Variants in LUC7L observed in about 807,000 individuals in gnomAD.
LUC7L encodes LUC7 like, also known as putative RNA-binding protein Luc7-like 1.
Under a neutral mutation model 51.1 loss-of-function variants are expected in LUC7L, and 29 were observed. The ratio of observed to expected loss-of-function variants is 0.57; its 90% CI spans 0.42 to 0.77. LUC7L has a LOEUF of 0.77. Ranked by LOEUF, LUC7L falls within the 30% of genes least tolerant of loss-of-function variation. The pLI is 0.00. For missense variants in LUC7L, 403 were observed against 511.9 expected (o/e 0.79, Z 2.05); for synonymous variants, 181 against 180.7 (o/e 1.00, Z -0.01).
At position 189,824 on chromosome 16, in the gene LUC7L, C is replaced by G; in HGVS notation, c.974+144G>C. The G allele has an allele frequency of 2.1e-6, 3 of 1,446,216 alleles. No homozygotes were observed. The South Asian group carries it at 4.3e-5, about 21-fold the overall frequency. The allele number at this position is 1,446,216 out of a possible 1,614,324, so 89.6% of individuals were successfully genotyped here. ...ACAGCCCTCTCGCCTCTTCCCACAC[C>G]TGAGTCCCGTTCACGACTCCCCAGC... On this transcript the variant is annotated intron_variant, in intron 9 of 9. Coordinates refer to ENST00000293872, the MANE Select transcript of LUC7L (RefSeq NM_201412.3).
At chr16:222,119 G>A (rs986737758) in intron 2 of LUC7L, among the ~76,000 whole-genome samples, 1 of 152,120 alleles carries the variant, frequency 6.6e-6, no homozygotes, top group Admixed American at 6.6e-5. Context: ...ACCATATGCA[G>A]TACAATTAGA....
intron 3 of LUC7L, chr16:208,586 A>G (rs951998269): frequency 3.9e-6 from 4 of 1,029,258 alleles, no homozygotes; most frequent in Non-Finnish European, 4.7e-6. Context: ...TGAGAGATGC[A>G]TATGATGTAC....
At chr16:224,721 T>C (rs978182659) in intron 2 of LUC7L, among the ~76,000 whole-genome samples, 2 of 151,706 alleles carry the variant, frequency 1.3e-5, no homozygotes, top group Non-Finnish European at 2.9e-5. Context: ...TAATCCCAGC[T>C]ACTCAGGAGG....
Position 189,214 on chromosome 16 carries a change from T to G in LUC7L, c.1100A>C (p.Glu367Ala). The G allele has an allele frequency of 6.2e-7, 1 of 1,613,652 alleles. No homozygotes were observed. The highest frequency in any genetic ancestry group is 8.5e-7 in the Non-Finnish European group (1 of 1,179,744). ...KMASRRSEEKEAGEI is the reference protein window; with the variant it reads ...KMASRRSEEKAAGEI ...GAGACGGGTTCAGATCTCGCCGGCCTCCTTCTCTTCTGACCTCCGTGAAGC... is the reference window on the plus strand; with the variant it reads ...GAGACGGGTTCAGATCTCGCCGGCCGCCTTCTCTTCTGACCTCCGTGAAGC... The change falls in exon 10 of 10, where the codon GAG becomes GCG. Residue 367 changes from glutamate (E) to alanine (A), a missense_variant. By Grantham distance (107) the Glu-to-Ala change is moderately radical (BLOSUM62 -1). Around this residue, in one of 3 missense-constraint regions of LUC7L, gnomAD observed 206 missense variants for 218.3 expected, o/e 0.94. Coordinates refer to ENST00000293872, the MANE Select transcript of LUC7L (RefSeq NM_201412.3).
intron 3 of LUC7L, among the ~76,000 whole-genome samples, chr16:218,981 C>T (rs993054452): frequency 6.6e-6 from 1 of 150,790 alleles, no homozygotes; most frequent in African/African-American, 2.4e-5. Flanking sequence ...CACCTATACC[C>T]GCAGCTACTC....
intron 2 of LUC7L, among the ~76,000 whole-genome samples, 190 bp downstream of exon 2, chr16:227,052 C>A (rs1305416046): frequency 2.0e-5 from 3 of 152,114 alleles, no homozygotes; most frequent in African/African-American, 7.2e-5. Flanking sequence ...TCAGCCTGGG[C>A]AACACAGAGT....
intron 5 of LUC7L, among the ~76,000 whole-genome samples, chr16:205,386 G>C (rs372125612): frequency 1.3e-5 from 2 of 152,114 alleles, no homozygotes; most frequent in South Asian, 4.1e-4. Context: ...GTAAATAAAA[G>C]ACTAGTATCC....
At chr16:220,511 A>G in intron 3 of LUC7L, 138 bp downstream of exon 3, 1 of 682,486 alleles carries the variant, frequency 1.5e-6, no homozygotes, top group Non-Finnish European at 2.6e-6. Context: ...GCTGTATTCT[A>G]GCTCTGAGCT....
In LUC7L at chr16:228,764, TG is replaced by T. The variant is rs1049902012; in HGVS notation, c.61+514del. The T allele has an allele frequency of 4.7e-6, 6 of 1,277,346 alleles. No individual in the cohort carries two copies. The African/African-American group carries it at 6.1e-5, about 13-fold the overall frequency. The allele number at this position is 1,277,346 out of a possible 1,614,324, so 79.1% of individuals were successfully genotyped here. ...TGTGTGCTGGGGGGAAGGGGGCAGC[TG>T]GAAAAGTACTTGGCAGAAACCCACG... On this transcript the variant is annotated intron_variant, in intron 1 of 9. Coordinates refer to ENST00000293872, the MANE Select transcript of LUC7L (RefSeq NM_201412.3).
intron 5 of LUC7L, among the ~76,000 whole-genome samples, chr16:204,378 C>T (rs943756608): frequency 2.6e-5 from 4 of 151,860 alleles, no homozygotes; most frequent in Admixed American, 1.3e-4. Flanking sequence ...GGGTGGACCA[C>T]GAGGTCAGAT....
intron 3 of LUC7L, among the ~76,000 whole-genome samples, chr16:217,501 G>GT (rs1271747031): frequency 1.3e-5 from 2 of 151,460 alleles, no homozygotes; most frequent in Non-Finnish European, 2.9e-5. Flanking sequence ...GCGGTCAGGA[G>GT]TTTAAGACCA....
chr16:214,692 AATTT>A (rs1460920923), intron 3 of LUC7L, among the ~76,000 whole-genome samples: 1 of 151,982 alleles, frequency 6.6e-6, no homozygotes, highest in African/African-American at 2.4e-5. Flanking sequence ...TTGTCTGGCT[AATTT>A]TTTTGGTATT....
intron 2 of LUC7L, among the ~76,000 whole-genome samples, chr16:222,293 C>T (rs947453565): frequency 2.0e-5 from 3 of 150,362 alleles, no homozygotes; most frequent in African/African-American, 7.4e-5. Context: ...CTAGGAGACA[C>T]CCCCAGTAGG....
At chr16:228,657 C>T (rs1385193493) in intron 1 of LUC7L, 3 of 1,182,718 alleles carry the variant, frequency 2.5e-6, no homozygotes, top group Non-Finnish European at 3.2e-6. Context: ...TCTCCTGTGA[C>T]AACCATCATG....
chr16:229,016 T>G, intron 1 of LUC7L: 1 of 1,452,684 alleles, frequency 6.9e-7, no homozygotes, highest in East Asian at 2.6e-5. Context: ...GGGGAGGAAG[T>G]AGCAGGACGG....
chr16:208,469 G>A, intron 3 of LUC7L: 2 of 425,104 alleles, frequency 4.7e-6, no homozygotes, highest in Non-Finnish European at 7.1e-6. Flanking sequence ...ACATTACAAA[G>A]AAATTCTGAG....
intron 6 of LUC7L, among the ~76,000 whole-genome samples, chr16:197,701 T>G (rs902590089): frequency 5.9e-5 from 9 of 152,174 alleles, no homozygotes; most frequent in African/African-American, 9.6e-5. Flanking sequence ...GGGACCCTCC[T>G]GAGGTGCACA....
intron 6 of LUC7L, 109 bp from the exon 7 acceptor site, chr16:193,124 T>C: frequency 1.2e-6 from 1 of 864,130 alleles, no homozygotes; most frequent in Non-Finnish European, 1.9e-6. Flanking sequence ...ATTTAAAAAT[T>C]GAAGGGACAC....
intron 3 of LUC7L, among the ~76,000 whole-genome samples, chr16:215,399 T>C (rs1232609220): frequency 6.6e-6 from 1 of 151,970 alleles, no homozygotes; most frequent in Non-Finnish European, 1.5e-5. Context: ...GGCGAATGGA[T>C]CACAAGGTCA....
Sources: gnomAD v4.1 joint callset for allele counts (sites outside exome capture counted in the v4.1 genomes callset) on GRCh38, gnomAD v4.1.1 for gene constraint, gnomAD v4.1.1 regional missense constraint, MANE v1.5 for transcripts, NCBI Gene and HGNC (gene_info 2026-07-23, HGNC 2026-07-21) for gene names.